Variants in ZNF333 observed in about 807,000 individuals in gnomAD.
The protein encoded by ZNF333 is zinc finger protein 333.
A neutral mutation model predicts 76.1 loss-of-function variants in ZNF333; 61 were observed. That is an observed-to-expected ratio of 0.80 (90% confidence interval 0.65 to 0.99). The LOEUF is 0.99. Among genes scored for constraint, ZNF333 ranks in the 50% least tolerant of loss-of-function variants. The pLI is 0.00. For missense variants in ZNF333, 717 were observed against 822.4 expected (o/e 0.87, Z 1.57); for synonymous variants, 284 against 305.0 (o/e 0.93, Z 0.72).
intron 1 of ZNF333, among the ~76,000 whole-genome samples, chr19:14,690,471 A>C (rs1467273342): frequency 1.3e-5 from 2 of 152,220 alleles, no homozygotes; most frequent in African/African-American, 4.8e-5. Flanking sequence ...ATTTTTAGGG[A>C]AAGTGCATAA....
At chr19:14,716,867 A>G in intron 9 of ZNF333, 127 bp from the exon 10 acceptor site, 1 of 762,556 alleles carries the variant, frequency 1.3e-6, no homozygotes, top group Non-Finnish European at 2.1e-6. Context: ...GGCTGTGGCC[A>G]TCAGAATTTA....
At position 14,717,692 on chromosome 19, in the gene ZNF333, C is replaced by T. The variant is rs1209394106; in HGVS notation, c.859C>T (p.Gln287Ter). 6.2e-7 allele frequency: 1 copy of T among 1,614,092 alleles called. No homozygotes were observed. Among genetic ancestry groups the T allele is most frequent in the Non-Finnish European group, 8.5e-7 (1 of 1,180,000 alleles). The part of the protein sequence containing the change: ...QCQPQEAIPS[Q>*]DTFTEILSID... Reference sequence around the variant, plus strand: ...TCAACCCCAAGAGGCAATTCCTAGCCAAGATACTTTTACAGAGATCCTGTC... The same window carrying T: ...TCAACCCCAAGAGGCAATTCCTAGCTAAGATACTTTTACAGAGATCCTGTC... The change falls in exon 11 of 12, where the codon CAA (glutamine) becomes TAA (stop). Residue 287 changes from glutamine (Q) to a stop codon, truncating the protein, a stop_gained. Transcript: ENST00000292530. LOFTEE classifies it high-confidence loss of function.
At chr19:14,705,017 A>G (rs1383148414) in intron 5 of ZNF333, 37 bp from the exon 6 acceptor site, 1 of 1,601,896 alleles carries the variant, frequency 6.2e-7, no homozygotes, top group African/African-American at 1.3e-5. Context: ...TGTGGTGCCA[A>G]CTCTGTCCTG....
chr19:14,723,055 G>A (rs974079370), downstream of ZNF333, among the ~76,000 whole-genome samples: 2 of 152,158 alleles, frequency 1.3e-5, no homozygotes, highest in Non-Finnish European at 2.9e-5. Context: ...CAAAGTGCTG[G>A]GATTACAGGT....
In ZNF333 at chr19:14,705,020, C is replaced by CT. The variant is rs1454099320; in HGVS notation, c.307-33dup. The CT allele has an allele frequency of 2.5e-6, 4 of 1,602,176 alleles. No individual in the cohort carries two copies. In the African/African-American group the frequency reaches 5.4e-5, roughly 21 times the overall value. ...GCTGAGAACAGCTGTGGTGCCAACTCTGTCCTGCTCAGCACCCTCTTGTCT... is the reference window on the plus strand; with the variant it reads ...GCTGAGAACAGCTGTGGTGCCAACTCTTGTCCTGCTCAGCACCCTCTTGTCT... On this transcript the variant is annotated intron_variant, in intron 5 of 11. Transcript: ENST00000292530.
At position 14,713,419 on chromosome 19, in the gene ZNF333, T is replaced by G. The variant is rs576206100; in HGVS notation, c.512-1963T>G. 1.5e-4 allele frequency among the ~76,000 whole-genome samples: 22 copies of G among 151,570 alleles called. No homozygotes were observed. The South Asian group carries it at 4.6e-3, about 32-fold the overall frequency. ...TGGGCAGAAAGATTTGAGCCAATGG[T>G]TGGATACATGGTCTGGTGTTCAGAT... On this transcript the variant is annotated intron_variant, in intron 7 of 11. Coordinates refer to ENST00000292530, the MANE Select transcript of ZNF333 (RefSeq NM_032433.4).
In ZNF333 at chr19:14,695,579, C is replaced by G. The variant is rs768653738; in HGVS notation, c.141C>G (p.Cys47Trp). ...RTLASRGTPP[C>W]KPSCVSQLGQ... ...CTTCATGTGCAGGAACTCCACCATG[C>G]AAACCCAGTTGTGTCTCCCAGCTGG... The change falls in exon 4 of 12, where the codon TGC (cysteine) becomes TGG (tryptophan). Residue 47 changes from cysteine (C) to tryptophan (W), a missense_variant. By Grantham distance (215) the Cys-to-Trp change is radical. Transcript: ENST00000292530. 1.2e-6 allele frequency: 2 copies of G among 1,614,084 alleles called. No homozygotes were observed. Among genetic ancestry groups the G allele is most frequent in the Admixed American group, 1.7e-5 (1 of 60,006 alleles).
chr19:14,730,448 C>CTTTTTTCTTTCT (rs1568567895), intron 11 of ZNF333, among the ~76,000 whole-genome samples: 216 of 151,650 alleles, frequency 1.4e-3, no homozygotes, highest in African/African-American at 5.0e-3. Flanking sequence ...TCTTTCCTTC[C>CTTTTTTCTTTCT]TCCCTTCCTC....
downstream of ZNF333, among the ~76,000 whole-genome samples, chr19:14,723,779 A>C (rs1039679027): frequency 1.1e-4 from 16 of 152,176 alleles, no homozygotes; most frequent in African/African-American, 3.1e-4. Context: ...TCCAAATGGC[A>C]TTTCTTTTGT....
chr19:14,706,711 A>G lies in ZNF333; in HGVS notation c.449A>G (p.Gln150Arg). The G allele has an allele frequency of 6.2e-7, 1 of 1,614,118 alleles. No individual in the cohort carries two copies. The highest frequency in any genetic ancestry group is 1.3e-5 in the African/African-American group (1 of 75,062). ...CTGLKAAMQI[Q>R]RVVIPVPTLG... ...GGACTGAAGGCCGCTATGCAGATTC[A>G]GAGGGTGGTGATACCAGTGCCTACT... Residue 150 changes from glutamine to arginine, a missense_variant, in exon 7 of 12, where the codon CAG becomes CGG. Coordinates refer to ENST00000292530, the MANE Select transcript of ZNF333 (RefSeq NM_032433.4).
downstream of ZNF333, among the ~76,000 whole-genome samples, chr19:14,723,259 C>T (rs1375684272): frequency 6.6e-6 from 1 of 152,172 alleles, no homozygotes; most frequent in South Asian, 2.1e-4. Context: ...TCTGGGCTCC[C>T]TCCTCGATTC....
At chr19:14,699,780 C>T (rs1445077264) in intron 5 of ZNF333, among the ~76,000 whole-genome samples, 5 of 152,074 alleles carry the variant, frequency 3.3e-5, no homozygotes, top group Non-Finnish European at 1.5e-5. Flanking sequence ...AGACATTGAG[C>T]GTGCGAAATA....
At chr19:14,727,646 C>G (rs2042642376) in intron 11 of ZNF333, among the ~76,000 whole-genome samples, 1 of 152,204 alleles carries the variant, frequency 6.6e-6, no homozygotes, top group Non-Finnish European at 1.5e-5. Flanking sequence ...CTGGGGATTA[C>G]ATTTCAGTGT....
chr19:14,701,687 G>T (rs1414484748), intron 5 of ZNF333: 3 of 985,338 alleles, frequency 3.0e-6, no homozygotes, highest in African/African-American at 3.5e-5. Context: ...CAGGGCTCCA[G>T]TGCCCTCCAC....
rs1016282972 is a variant in ZNF333, at chr19:14,716,340, C to T, written c.727+102C>T. The stretch of plus-strand genomic sequence containing the variant: ...ATGGCGTGACCTTGGCTCACTGCAA[C>T]CTCCGCTTCCTGGGCTCAGGTGATC... On this transcript the variant is annotated intron_variant, in intron 9 of 11. Transcript: ENST00000292530. 2.6e-5 allele frequency: 35 copies of T among 1,357,886 alleles called. No individual in the cohort carries two copies. In the Admixed American group the frequency reaches 8.4e-4, roughly 33 times the overall value. 84.1% of individuals were successfully genotyped at this position (1,357,886 alleles called of 1,614,324 possible).
At chr19:14,706,094 C>T (rs2042102624) in intron 6 of ZNF333, 1 of 457,472 alleles carries the variant, frequency 2.2e-6, no homozygotes, top group African/African-American at 2.0e-5. Context: ...CCTCCAGCTG[C>T]CTCTCCTGTC....
At position 14,719,170 on chromosome 19, in the gene ZNF333, G is replaced by A. The variant is rs774359375; in HGVS notation, c.1843G>A (p.Gly615Arg). 1.4e-5 allele frequency: 22 copies of A among 1,614,014 alleles called. 1 individual carries two copies. Among genetic ancestry groups the A allele is most frequent in the South Asian group, 3.3e-5 (3 of 91,090 alleles). ...LIVHVRTHSA[G>R]RPYQCNQCEK... ...TGTACATGTGAGAACACACAGTGCC[G>A]GGAGACCCTATCAATGTAATCAGTG... is the stretch of plus-strand genomic sequence containing the variant. The change falls in exon 12 of 12, where the codon GGG becomes AGG. Residue 615 changes from glycine (G) to arginine (R), a missense_variant. Gly to Arg is a moderately radical substitution (Grantham distance 125). Transcript: ENST00000292530.
chr19:14,731,309 C>T, exon 12 of ZNF333: 1 of 983,278 alleles, frequency 1.0e-6, no homozygotes, highest in South Asian at 1.4e-5. Context: ...CTGAAGCTTG[C>T]AGGTCAGTGG....
intron 5 of ZNF333, 56 bp downstream of exon 5, chr19:14,699,337 T>C: frequency 6.7e-7 from 1 of 1,485,944 alleles, no homozygotes; most frequent in Non-Finnish European, 9.4e-7. Flanking sequence ...GAGGAACACG[T>C]GAGGTGGAAA....
Sources: allele counts gnomAD v4.1 joint callset (sites outside exome capture counted in the v4.1 genomes callset), GRCh38; gene constraint gnomAD v4.1.1; transcripts MANE v1.5; gene names NCBI Gene and HGNC (gene_info 2026-07-23, HGNC 2026-07-21).